Variants in ARHGEF26 observed in about 807,000 individuals in gnomAD.
The protein encoded by ARHGEF26 is Rho guanine nucleotide exchange factor 26.
ARHGEF26 carries 59 observed loss-of-function variants against 89.4 expected under a neutral mutation model. The observed-to-expected ratio is 0.66, with a 90% CI of 0.54 to 0.82. ARHGEF26 has a LOEUF of 0.82. Ranked by LOEUF, ARHGEF26 falls within the 40% of genes least tolerant of loss-of-function variation. ARHGEF26 has a pLI of 0.00. For missense variants in ARHGEF26, 1,234 were observed against 1,085.6 expected (o/e 1.14, Z -1.92); for synonymous variants, 500 against 428.4 (o/e 1.17, Z -2.06).
intron 9 of ARHGEF26, among the ~76,000 whole-genome samples, chr3:154,201,705 G>A (rs1196024902): frequency 7.2e-5 from 11 of 152,012 alleles, no homozygotes; most frequent in African/African-American, 2.7e-4. Flanking sequence ...TCTAACTGGT[G>A]TGAGATGGTA....
At chr3:154,128,709 G>A (rs943236051) in intron 3 of ARHGEF26, among the ~76,000 whole-genome samples, 1 of 152,198 alleles carries the variant, frequency 6.6e-6, no homozygotes, top group Admixed American at 6.5e-5. Context: ...CTTCATCAGA[G>A]TCAACATCAA....
chr3:154,256,683 C>G lies in ARHGEF26; in HGVS notation c.*1210C>G, dbSNP rs1190799512. The G allele has an allele frequency of 1.6e-6, 2 of 1,241,746 alleles. No individual in the cohort carries two copies. Among genetic ancestry groups the G allele is most frequent in the African/African-American group, 3.2e-5 (2 of 63,442 alleles). 76.9% of individuals were successfully genotyped at this position (1,241,746 alleles called of 1,614,324 possible). A position where few individuals can be genotyped will look rare whatever the true frequency, so the allele number is the denominator to read the frequency against. On this transcript the variant is annotated 3_prime_UTR_variant, in exon 15 of 15. Coordinates refer to ENST00000465093, the MANE Select transcript of ARHGEF26 (RefSeq NM_015595.4). Reference sequence around the variant, plus strand: ...TTCCAAATAGAAATTAGCTGGAACACACTACAGTAATCTCAAGGAAGGGAA... The same window carrying G: ...TTCCAAATAGAAATTAGCTGGAACAGACTACAGTAATCTCAAGGAAGGGAA...
chr3:154,144,720 A>G (rs942089562), intron 4 of ARHGEF26, among the ~76,000 whole-genome samples: 1 of 152,132 alleles, frequency 6.6e-6, no homozygotes. Context: ...TGAGTTTTCC[A>G]TTATTTTAGC....
Position 154,255,596 on chromosome 3 carries a change from C to T in ARHGEF26, c.*123C>T. The T allele has an allele frequency of 6.9e-7, 1 of 1,458,888 alleles. No homozygotes were observed. The highest frequency in any genetic ancestry group is 9.0e-7 in the Non-Finnish European group (1 of 1,108,606). 90.4% of individuals were successfully genotyped at this position (1,458,888 alleles called of 1,614,324 possible). A position where few individuals can be genotyped will look rare whatever the true frequency, so the allele number is the denominator to read the frequency against. Reference sequence around the variant, plus strand: ...TTAATTAAAAGAACGAAAACACTTGCCTTTAAGCTTGCCAGGTTGTTCTGC... The same window carrying T: ...TTAATTAAAAGAACGAAAACACTTGTCTTTAAGCTTGCCAGGTTGTTCTGC... On this transcript the variant is annotated 3_prime_UTR_variant, in exon 15 of 15. Coordinates refer to ENST00000465093, the MANE Select transcript of ARHGEF26 (RefSeq NM_015595.4).
At chr3:154,209,613 G>A (rs918498353) in intron 9 of ARHGEF26, among the ~76,000 whole-genome samples, 1 of 152,198 alleles carries the variant, frequency 6.6e-6, no homozygotes, top group African/African-American at 2.4e-5. Context: ...CATAGCCTCT[G>A]TCTTTGTTCT....
chr3:154,146,791 C>T (rs1417211972), intron 4 of ARHGEF26, among the ~76,000 whole-genome samples: 1 of 152,158 alleles, frequency 6.6e-6, no homozygotes, highest in East Asian at 1.9e-4. Flanking sequence ...GAATTTTTAT[C>T]CACTTAAAAT....
At position 154,255,345 on chromosome 3, in the gene ARHGEF26, GA is replaced by G; in HGVS notation, c.2490del (p.Glu830AspfsTer19). ...QRVSDGWYEG[E>X]RLRDGERGWF... Reference sequence around the variant, plus strand: ...CTTTTTCACAGGCTGGTATGAGGGGGAACGACTACGAGATGGAGAAAGAGGC... The same window carrying G: ...CTTTTTCACAGGCTGGTATGAGGGGGACGACTACGAGATGGAGAAAGAGGC... On this transcript the variant is annotated frameshift_variant, in exon 15 of 15. Coordinates refer to ENST00000465093, the MANE Select transcript of ARHGEF26 (RefSeq NM_015595.4). LOFTEE classifies it high-confidence loss of function. 6.2e-7 allele frequency: 1 copy of G among 1,613,228 alleles called. No individual in the cohort carries two copies. The highest frequency in any genetic ancestry group is 8.5e-7 in the Non-Finnish European group (1 of 1,179,566).
chr3:154,208,763 A>ATTTT (rs35181733), intron 9 of ARHGEF26, among the ~76,000 whole-genome samples: 6 of 107,368 alleles, frequency 5.6e-5, no homozygotes, highest in African/African-American at 7.4e-5. Flanking sequence ...TGCCAATTGC[A>ATTTT]TTTTTTTTTT....
intron 9 of ARHGEF26, among the ~76,000 whole-genome samples, chr3:154,199,134 ACATAGAT>A (rs1356267192): frequency 6.6e-6 from 1 of 151,890 alleles, no homozygotes; most frequent in African/African-American, 2.4e-5. Flanking sequence ...TTGTGCTATC[ACATAGAT>A]CATATAGTAG....
At chr3:154,215,261 A>G (rs1038090111) in intron 9 of ARHGEF26, among the ~76,000 whole-genome samples, 3 of 152,034 alleles carry the variant, frequency 2.0e-5, no homozygotes, top group African/African-American at 7.2e-5. Context: ...TCTGTGAACC[A>G]TCTTATCATT....
intron 6 of ARHGEF26, among the ~76,000 whole-genome samples, chr3:154,184,254 G>A (rs1437677291): frequency 6.6e-6 from 1 of 152,188 alleles, no homozygotes; most frequent in Non-Finnish European, 1.5e-5. Context: ...TTACAGGCGT[G>A]AGCCACCGTG....
At chr3:154,132,745 G>A (rs1718760216) in intron 4 of ARHGEF26, among the ~76,000 whole-genome samples, 1 of 151,906 alleles carries the variant, frequency 6.6e-6, no homozygotes, top group Admixed American at 6.6e-5. Flanking sequence ...ATATGTGTGT[G>A]TATATATAGA....
chr3:154,220,037 T>A (rs1716032060), intron 10 of ARHGEF26, among the ~76,000 whole-genome samples: 1 of 152,228 alleles, frequency 6.6e-6, no homozygotes, highest in South Asian at 2.1e-4. Context: ...GGATTTACAG[T>A]GGAGCACCTC....
At position 154,191,356 on chromosome 3, in the gene ARHGEF26, C is replaced by G. The variant is rs1299288301; in HGVS notation, c.1708C>G (p.Pro570Ala). The G allele has an allele frequency of 1.2e-6, 2 of 1,613,658 alleles. No homozygotes were observed. Among genetic ancestry groups the G allele is most frequent in the African/African-American group, 2.7e-5 (2 of 74,922 alleles). The change falls in exon 8 of 15, where the codon CCC (proline) becomes GCC (alanine). Residue 570 changes from proline (P) to alanine (A), a missense_variant. Pro to Ala is a conservative substitution (Grantham distance 27). Coordinates refer to ENST00000465093, the MANE Select transcript of ARHGEF26 (RefSeq NM_015595.4). The stretch of plus-strand genomic sequence containing the variant: ...GTCCCATGAAGACTGTAGGAACTTA[C>G]CCATGATCTCTTTTCTCATTCTCCC... ...IESHEDCRNL[P>A]MISFLILPMQ... is the part of the protein sequence containing the mutation.
At chr3:154,227,649 A>G (rs944417863) in intron 11 of ARHGEF26, among the ~76,000 whole-genome samples, 2 of 152,270 alleles carry the variant, frequency 1.3e-5, no homozygotes, top group Non-Finnish European at 1.5e-5. Flanking sequence ...TTGGTTTCCT[A>G]TGAGATAGCA....
intron 11 of ARHGEF26, among the ~76,000 whole-genome samples, chr3:154,232,381 G>A (rs973528520): frequency 2.0e-5 from 3 of 151,988 alleles, no homozygotes; most frequent in Non-Finnish European, 4.4e-5. Context: ...GGATGTATGT[G>A]GCATGTTTGT....
chr3:154,231,074 C>T (rs896474201), intron 11 of ARHGEF26, among the ~76,000 whole-genome samples: 2 of 152,108 alleles, frequency 1.3e-5, no homozygotes, highest in African/African-American at 4.8e-5. Context: ...TCAAGAGTAT[C>T]CTGGCTAAAG....
chr3:154,193,388 G>A (rs564216264), intron 8 of ARHGEF26, among the ~76,000 whole-genome samples: 4 of 152,286 alleles, frequency 2.6e-5, no homozygotes, highest in African/African-American at 4.8e-5. Flanking sequence ...CACAGATGGT[G>A]CACTCTGTGT....
rs139586109 is a variant in ARHGEF26 at position 154,179,059 on chromosome 3, G to A, written c.1488-8626G>A. On this transcript the variant is annotated intron_variant, in intron 6 of 14. Coordinates refer to ENST00000465093, the MANE Select transcript of ARHGEF26 (RefSeq NM_015595.4). ...ATTTAATAGTAATTTCCAAGTTCTT[G>A]CGTAGATGTTTCATTATACAAGCAC... 2.4e-4 allele frequency among the ~76,000 whole-genome samples: 36 copies of A among 152,230 alleles called. No individual in the cohort carries two copies. The East Asian group carries it at 5.6e-3, about 24-fold the overall frequency.
Sources: gnomAD v4.1 joint callset for allele counts (sites outside exome capture counted in the v4.1 genomes callset) on GRCh38, gnomAD v4.1.1 for gene constraint, MANE v1.5 for transcripts, NCBI Gene and HGNC (gene_info 2026-07-23, HGNC 2026-07-21) for gene names.